CBLN2: variants seen among roughly 807,000 people sequenced by gnomAD.
The protein encoded by CBLN2 is cerebellin 2 precursor.
CBLN2 carries 7 observed loss-of-function variants against 15.0 expected under a neutral mutation model. The ratio of observed to expected loss-of-function variants is 0.47; its 90% CI spans 0.27 to 0.88. The LOEUF (loss-of-function observed/expected upper bound fraction) is 0.88. CBLN2 is among the 40% of genes least tolerant of loss of function. The probability of loss-of-function intolerance (pLI) is 0.14; values close to 1 mark genes in which losing one functional copy is unlikely to be tolerated. For synonymous variants in CBLN2, 149 were observed against 135.2 expected, an observed-to-expected ratio of 1.10 and a Z score of -0.71; for missense variants, 242 against 304.5, an observed-to-expected ratio of 0.79 and a Z score of 1.53.
rs572574707 is a variant in CBLN2 at position 72,557,214 on chromosome 18, C to T, written c.16-18442G>A. On this transcript the variant is annotated intron_variant, in intron 1 of 2. Transcript: ENST00000581073. ...CTTTGATTTTCTCATAAAATGAACT[C>T]AAACTGAATGAAAATGATAAAGCAA... 2.6e-5 allele frequency among the ~76,000 whole-genome samples: 4 copies of T among 152,148 alleles called. No individual in the cohort carries two copies. In the South Asian group the frequency reaches 8.3e-4, roughly 32 times the overall value.
intron 1 of CBLN2, among the ~76,000 whole-genome samples, chr18:72,606,975 C>A (rs565444705): frequency 6.6e-6 from 1 of 152,316 alleles, no homozygotes; most frequent in African/African-American, 2.4e-5. Flanking sequence ...TCCTAATCCC[C>A]AGAACCTTGG....
At chr18:72,551,524 A>G (rs1230823733) in intron 1 of CBLN2, among the ~76,000 whole-genome samples, 1 of 152,170 alleles carries the variant, frequency 6.6e-6, no homozygotes, top group African/African-American at 2.4e-5. Flanking sequence ...AAGTGTCACT[A>G]AGTCTTCAGA....
chr18:72,561,524 T>G (rs2069261448), intron 1 of CBLN2, among the ~76,000 whole-genome samples: 1 of 152,198 alleles, frequency 6.6e-6, no homozygotes, highest in Non-Finnish European at 1.5e-5. Flanking sequence ...TCTGAAGATT[T>G]GGCACAATTT....
At chr18:72,588,585 G>C (rs568898390) in intron 1 of CBLN2, among the ~76,000 whole-genome samples, 9 of 152,306 alleles carry the variant, frequency 5.9e-5, no homozygotes, top group African/African-American at 2.2e-4. Context: ...TCCCAGACTA[G>C]CGGGGAAGAC....
intron 3 of CBLN2, 50 bp downstream of exon 3, chr18:72,541,754 C>A (rs2069113558): frequency 2.0e-6 from 3 of 1,464,958 alleles, no homozygotes; most frequent in Middle Eastern, 1.9e-4. Flanking sequence ...CGCGCAGGTC[C>A]CCGCCCCTCT....
At chr18:72,579,048 C>G (rs1038529068) in intron 1 of CBLN2, among the ~76,000 whole-genome samples, 1 of 152,162 alleles carries the variant, frequency 6.6e-6, no homozygotes, top group Admixed American at 6.5e-5. Context: ...AAATGATGCT[C>G]AATATCTAAT....
upstream of CBLN2, among the ~76,000 whole-genome samples, chr18:72,549,083 C>T (rs2069176619): frequency 6.6e-6 from 1 of 152,148 alleles, no homozygotes; most frequent in South Asian, 2.1e-4. Flanking sequence ...ACAATCTCAG[C>T]TCACTGCAGC....
intron 1 of CBLN2, among the ~76,000 whole-genome samples, chr18:72,594,067 G>A (rs185140062): frequency 1.2e-4 from 18 of 152,276 alleles, no homozygotes; most frequent in Admixed American, 1.1e-3. Flanking sequence ...CTCACTATAA[G>A]TGGGAGCTGA....
chr18:72,540,338 C>A (rs1183263943), intron 3 of CBLN2: 1 of 152,174 alleles, frequency 6.6e-6, no homozygotes, highest in African/African-American at 2.4e-5. Flanking sequence ...GACCTCAGCT[C>A]CTCATTAACT....
At chr18:72,632,399 A>G (rs1254720347) in intron 1 of CBLN2, among the ~76,000 whole-genome samples, 2 of 152,188 alleles carry the variant, frequency 1.3e-5, no homozygotes, top group Non-Finnish European at 2.9e-5. Flanking sequence ...AAATCAAGCA[A>G]GCTTTCATTC....
At chr18:72,570,416 T>TA (rs2069324343) in intron 1 of CBLN2, among the ~76,000 whole-genome samples, 2 of 151,346 alleles carry the variant, frequency 1.3e-5, no homozygotes, top group Admixed American at 6.6e-5. Context: ...TTTTGTATTT[T>TA]TTTTTTTTTT....
intron 1 of CBLN2, among the ~76,000 whole-genome samples, chr18:72,636,005 T>C (rs1316940209): frequency 2.0e-5 from 3 of 152,194 alleles, no homozygotes; most frequent in Non-Finnish European, 4.4e-5. Flanking sequence ...AATATGTTAT[T>C]TATTTTTAAA....
Position 72,537,464 on chromosome 18 carries a change from A to G in CBLN2, c.*712T>C, listed in dbSNP as rs1308382493. 6.6e-6 allele frequency: 1 copy of G among 152,606 alleles called. No homozygotes were observed. Among genetic ancestry groups the G allele is most frequent in the Non-Finnish European group, 1.5e-5 (1 of 68,044 alleles). The allele number at this position is 152,606 out of a possible 1,614,324, so 9.5% of individuals were successfully genotyped here. On this transcript the variant is annotated 3_prime_UTR_variant, in exon 5 of 5. Coordinates refer to ENST00000269503, the MANE Select transcript of CBLN2 (RefSeq NM_182511.4). ...TTCTATATTTTCTCTCCTCAACCCC[A>G]GCAAGAAAAATAAAAGTGGGGTTGA... is the stretch of plus-strand genomic sequence containing the variant.
intron 1 of CBLN2, among the ~76,000 whole-genome samples, chr18:72,633,191 C>T (rs1192496348): frequency 6.6e-6 from 1 of 152,118 alleles, no homozygotes. Context: ...CTGAAATCAA[C>T]CTATTTTACA....
intron 1 of CBLN2, among the ~76,000 whole-genome samples, chr18:72,609,850 A>T (rs1030187146): frequency 1.3e-5 from 2 of 152,188 alleles, no homozygotes; most frequent in African/African-American, 4.8e-5. Context: ...CAAAGCTTCT[A>T]CTTCCTACTT....
intron 1 of CBLN2, among the ~76,000 whole-genome samples, chr18:72,557,607 A>G (rs1465220555): frequency 1.3e-5 from 2 of 152,242 alleles, no homozygotes; most frequent in Admixed American, 6.5e-5. Flanking sequence ...CTTTGAAAGC[A>G]CATGGGTGGA....
intron 1 of CBLN2, among the ~76,000 whole-genome samples, chr18:72,585,226 T>C (rs973233698): frequency 6.6e-6 from 1 of 152,172 alleles, no homozygotes; most frequent in African/African-American, 2.4e-5. Flanking sequence ...ACCCACAACA[T>C]GGTGAGTGGA....
chr18:72,577,141 A>T (rs1156725163), intron 1 of CBLN2, among the ~76,000 whole-genome samples: 1 of 150,212 alleles, frequency 6.7e-6, no homozygotes, highest in Admixed American at 6.7e-5. Context: ...TGTTTGCAAT[A>T]TAGGCTTTAA....
intron 1 of CBLN2, among the ~76,000 whole-genome samples, chr18:72,571,933 A>C (rs1369203229): frequency 6.6e-6 from 1 of 152,216 alleles, no homozygotes; most frequent in Non-Finnish European, 1.5e-5. Context: ...ATATTATTAA[A>C]AATGAATCTC....
Sources: gnomAD v4.1 joint callset for allele counts (sites outside exome capture counted in the v4.1 genomes callset) on GRCh38, gnomAD v4.1.1 for gene constraint, MANE v1.5 for transcripts, NCBI Gene and HGNC (gene_info 2026-07-23, HGNC 2026-07-21) for gene names.